The following GPHN variants were observed in gnomAD, a reference collection of about 807,000 sequenced individuals.
GPHN encodes the protein gephyrin.
A neutral mutation model predicts 95.5 loss-of-function variants in GPHN; 17 were observed. The ratio of observed to expected loss-of-function variants is 0.18; its 90% CI spans 0.12 to 0.27. GPHN has a LOEUF of 0.27. Ranked by LOEUF, GPHN falls within the 10% of genes least tolerant of loss-of-function variation. The probability of loss-of-function intolerance (pLI) is 1.00; values close to 1 mark genes in which losing one functional copy is unlikely to be tolerated. For missense variants in GPHN, 660 were observed against 978.1 expected (o/e 0.67, Z 4.34); for synonymous variants, 320 against 322.5 (o/e 0.99, Z 0.08).
the GPHN span, among the ~76,000 whole-genome samples, chr14:67,213,880 G>C: frequency 7.2e-5 from 11 of 152,192 alleles, no homozygotes; most frequent in Admixed American, 4.6e-4. Context: ...GATGGTATCT[G>C]ATTGTGGTTT....
intron 1 of GPHN, among the ~76,000 whole-genome samples, chr14:66,584,973 C>T (rs1312909006): frequency 1.3e-5 from 2 of 152,136 alleles, no homozygotes; most frequent in African/African-American, 4.8e-5. Context: ...GTACCAGTTC[C>T]TCCTTGTACC....
chr14:67,129,835 AGG>A (rs2079585416), intron 17 of GPHN, among the ~76,000 whole-genome samples: 2 of 145,254 alleles, frequency 1.4e-5, no homozygotes, highest in Non-Finnish European at 3.0e-5. Context: ...AGGGAGAGGG[AGG>A]GAGGAAGGAA....
the GPHN span, among the ~76,000 whole-genome samples, chr14:67,298,097 G>A: frequency 5.9e-5 from 9 of 152,076 alleles, no homozygotes; most frequent in Non-Finnish European, 5.9e-5. Flanking sequence ...TGGAAAAGAC[G>A]AAAGAATCAG....
chr14:67,586,851 G>T, the GPHN span: 1 of 1,503,098 alleles, frequency 6.7e-7, no homozygotes, highest in Non-Finnish European at 8.9e-7. Context: ...TTCTCAGAAG[G>T]GCACTGTGCA....
In GPHN at chr14:66,508,393, C is replaced by G. The variant is rs1489822816; in HGVS notation, c.-135C>G. The stretch of plus-strand genomic sequence containing the variant: ...CCACCGTGCACTCTGTGGCCTCCCC[C>G]TCCTTCCCCGCTCTCCTCGCGCTTC... On this transcript the variant is annotated 5_prime_UTR_variant, in exon 1 of 23. Coordinates refer to ENST00000478722, the MANE Select transcript of GPHN (RefSeq NM_020806.5). 39 of 831,416 alleles carry G rather than the reference C, an allele frequency of 4.7e-5. No homozygotes were observed. Among genetic ancestry groups the G allele is most frequent in the African/African-American group, 2.7e-4 (16 of 60,042 alleles). The allele number at this position is 831,416 out of a possible 1,614,324, so 51.5% of individuals were successfully genotyped here. A position where few individuals can be genotyped will look rare whatever the true frequency, so the allele number is the denominator to read the frequency against.
At chr14:67,648,014 T>C in the GPHN span, 1 of 1,554,766 alleles carries the variant, frequency 6.4e-7, no homozygotes, top group South Asian at 1.2e-5. Flanking sequence ...TTAAGTATTA[T>C]TTTAAGTATT....
chr14:66,965,465 C>G, intron 9 of GPHN, 140 bp downstream of exon 9: 2 of 810,954 alleles, frequency 2.5e-6, no homozygotes, highest in Non-Finnish European at 2.1e-6. Flanking sequence ...AAGATAGTTC[C>G]CACCCATTGT....
the GPHN span, among the ~76,000 whole-genome samples, chr14:67,521,083 G>A: frequency 6.6e-6 from 1 of 152,202 alleles, no homozygotes; most frequent in South Asian, 2.1e-4. Context: ...AAACAGGTAA[G>A]CCTCAAGAAA....
the GPHN span, among the ~76,000 whole-genome samples, chr14:67,525,197 G>A: frequency 4.6e-5 from 7 of 151,880 alleles, no homozygotes; most frequent in Non-Finnish European, 1.0e-4. Flanking sequence ...GTTAATCTCT[G>A]GGAAAAATAA....
the GPHN span, chr14:67,208,510 T>C: frequency 6.5e-7 from 1 of 1,533,962 alleles, no homozygotes; most frequent in South Asian, 1.3e-5. Context: ...TAAAGAAATA[T>C]GTGCTTTAGT....
At chr14:66,514,858 C>T (rs1439998523) in intron 1 of GPHN, among the ~76,000 whole-genome samples, 1 of 151,936 alleles carries the variant, frequency 6.6e-6, no homozygotes, top group African/African-American at 2.4e-5. Context: ...GTTGTCTATA[C>T]CCTGTAATCT....
chr14:66,832,389 A>C (rs1275561363), intron 4 of GPHN, among the ~76,000 whole-genome samples: 1 of 152,180 alleles, frequency 6.6e-6, no homozygotes, highest in African/African-American at 2.4e-5. Flanking sequence ...CTAATTAGAT[A>C]TGGTAGCTCC....
At chr14:67,694,172 C>T in the GPHN span, among the ~76,000 whole-genome samples, 2 of 152,204 alleles carry the variant, frequency 1.3e-5, no homozygotes, top group African/African-American at 2.4e-5. Context: ...ATTGAAGCTA[C>T]CTGCATAGTG....
the GPHN span, chr14:67,695,635 T>G: frequency 1.2e-6 from 2 of 1,614,072 alleles, no homozygotes; most frequent in Non-Finnish European, 8.5e-7. Flanking sequence ...CAGACCTGAT[T>G]TGGGGCGCAG....
At chr14:67,343,602 C>T in the GPHN span, among the ~76,000 whole-genome samples, 6 of 152,248 alleles carry the variant, frequency 3.9e-5, no homozygotes, top group South Asian at 2.1e-4. Context: ...GCATGGCTCA[C>T]GCCTATAACC....
At chr14:67,695,142 G>A in the GPHN span, among the ~76,000 whole-genome samples, 1 of 152,158 alleles carries the variant, frequency 6.6e-6, no homozygotes, top group South Asian at 2.1e-4. Context: ...TCCGCCCACA[G>A]AACAAGCGAT....
rs371881665 is a variant in GPHN, at chr14:67,075,585, T to C, written c.1145-13398T>C. ...TAAATTGAAAACTTTCTGGAAAGGA[T>C]TCACCATTCTAGATGTCATTAAGAG... On this transcript the variant is annotated intron_variant, in intron 11 of 22. Coordinates refer to ENST00000478722, the MANE Select transcript of GPHN (RefSeq NM_020806.5). Among the ~76,000 whole-genome samples the C allele has an allele frequency of 1.1e-3, 171 of 152,292 alleles. 3 individuals are homozygous for C. The South Asian group carries it at 0.035, about 31-fold the overall frequency.
chr14:67,515,450 G>T, the GPHN span: 1 of 175,360 alleles, frequency 5.7e-6, no homozygotes. Context: ...CTCACCCATA[G>T]TACGGATGCG....
the GPHN span, chr14:67,651,352 A>T: frequency 6.2e-7 from 1 of 1,612,688 alleles, no homozygotes; most frequent in African/African-American, 1.3e-5. Flanking sequence ...ACAAGGTCAA[A>T]GTTCTGGTCC....
Sources: allele counts gnomAD v4.1 joint callset (sites outside exome capture counted in the v4.1 genomes callset), GRCh38; gene constraint gnomAD v4.1.1; transcripts MANE v1.5; gene names NCBI Gene and HGNC (gene_info 2026-07-23, HGNC 2026-07-21).